Variants in TMEM232 observed in about 807,000 individuals in gnomAD.
The protein encoded by TMEM232 is transmembrane protein 232.
In TMEM232, 80 loss-of-function variants were observed where a neutral mutation model predicts 78.8. That is an observed-to-expected ratio of 1.01 (90% CI 0.85 to 1.22). The LOEUF (loss-of-function observed/expected upper bound fraction) is 1.22, where lower values mean the gene tolerates loss of function less well. Among genes scored for constraint, TMEM232 ranks in the 50% most tolerant of loss-of-function variants. TMEM232 has a pLI of 0.00. For missense variants in TMEM232, 881 were observed against 742.2 expected (o/e 1.19, Z -2.17); for synonymous variants, 297 against 254.3 (o/e 1.17, Z -1.60).
intron 7 of TMEM232, among the ~76,000 whole-genome samples, chr5:110,621,682 T>G (rs551394220): frequency 6.6e-6 from 1 of 151,874 alleles, no homozygotes; most frequent in South Asian, 2.1e-4. Flanking sequence ...TTCCCCTCCC[T>G]TTCTTCCTTC....
At chr5:110,635,343 G>C (rs1785653799) in intron 5 of TMEM232, among the ~76,000 whole-genome samples, 1 of 151,972 alleles carries the variant, frequency 6.6e-6, no homozygotes, top group Non-Finnish European at 1.5e-5. Flanking sequence ...CCCAAGGCCA[G>C]CGTTACCCTA....
intron 1 of TMEM232, among the ~76,000 whole-genome samples, chr5:110,675,536 G>A (rs1015805459): frequency 2.0e-5 from 3 of 152,136 alleles, no homozygotes; most frequent in Non-Finnish European, 4.4e-5. Flanking sequence ...ACTGCATGGA[G>A]CTGTATTCTG....
intron 2 of TMEM232, among the ~76,000 whole-genome samples, chr5:110,398,760 T>G (rs1444006309): frequency 6.6e-6 from 1 of 152,188 alleles, no homozygotes; most frequent in Non-Finnish European, 1.5e-5. Context: ...CAAAATTTTT[T>G]TTTCATTCCA....
At chr5:110,547,448 G>T (rs1348398637) in intron 11 of TMEM232, among the ~76,000 whole-genome samples, 1 of 152,114 alleles carries the variant, frequency 6.6e-6, no homozygotes, top group Non-Finnish European at 1.5e-5. Flanking sequence ...GAATAATTAG[G>T]TATGGAATAT....
chr5:110,393,013 T>G (rs1296362761), intron 3 of TMEM232, among the ~76,000 whole-genome samples: 1 of 152,242 alleles, frequency 6.6e-6, no homozygotes, highest in East Asian at 1.9e-4. Context: ...GACTACTAAT[T>G]TAATTCTGTT....
chr5:110,528,116 G>C (rs1378762037), intron 12 of TMEM232, among the ~76,000 whole-genome samples: 2 of 151,814 alleles, frequency 1.3e-5, no homozygotes, highest in Non-Finnish European at 2.9e-5. Context: ...TTGTTCCTAA[G>C]TCCAATGTTT....
At chr5:110,607,663 C>T (rs1250702913) in intron 8 of TMEM232, among the ~76,000 whole-genome samples, 1 of 151,908 alleles carries the variant, frequency 6.6e-6, no homozygotes, top group Non-Finnish European at 1.5e-5. Context: ...TGCCTAGACT[C>T]CCTTGAAGCT....
chr5:110,721,918 T>G (rs1325797654), intron 1 of TMEM232, among the ~76,000 whole-genome samples: 1 of 151,712 alleles, frequency 6.6e-6, no homozygotes, highest in Non-Finnish European at 1.5e-5. Context: ...TGCATTTATG[T>G]TGCCTAGCAG....
chr5:110,710,555 A>G (rs1376369910), intron 1 of TMEM232, among the ~76,000 whole-genome samples: 3 of 152,172 alleles, frequency 2.0e-5, no homozygotes, highest in Non-Finnish European at 2.9e-5. Context: ...CATGACGAAG[A>G]GAAATTTATC....
chr5:110,424,889 G>A lies in TMEM232; in HGVS notation c.1731C>T (p.Pro577=), dbSNP rs542331732. Residue 577 remains proline, a synonymous_variant, in exon 13 of 14, where the codon CCC becomes CCT. Coordinates refer to ENST00000455884, the MANE Select transcript of TMEM232 (RefSeq NM_001039763.4). ...TGAAGAAATCTGGATATGGAAACAT[G>A]GGAATTTCTGATACAGAAGGATGTT... ...VREHPSVSEI[P]MFPYPDFFTK... 3.9e-6 allele frequency: 6 copies of A among 1,550,040 alleles called. No homozygotes were observed. In the African/African-American group the frequency reaches 5.5e-5, roughly 14 times the overall value.
At position 110,618,478 on chromosome 5, in the gene TMEM232, C is replaced by G. The variant is rs750093989; in HGVS notation, c.853G>C (p.Val285Leu). 1 of 1,551,470 alleles carries G rather than the reference C, an allele frequency of 6.4e-7. No individual in the cohort carries two copies. The highest frequency in any genetic ancestry group is 2.4e-5 in the East Asian group (1 of 40,884). ...TTATGGAAGACGAGATGTTCAAGCA[C>G]GTTATTCAACTGAGGACTGTTATTC... ...VQNNSPQLNN[V>L]LEHLVFHKTQ... Residue 285 changes from valine (V) to leucine (L), a missense_variant, in exon 8 of 14, where the codon GTG (valine) becomes CTG (leucine). By Grantham distance (32) the Val-to-Leu change is conservative. Transcript: ENST00000455884.
intron 2 of TMEM232, among the ~76,000 whole-genome samples, chr5:110,643,069 G>A (rs1786969230): frequency 6.6e-6 from 1 of 151,984 alleles, no homozygotes; most frequent in South Asian, 2.1e-4. Context: ...GAAGAGTTTG[G>A]ATAATGGATA....
chr5:110,629,958 G>C (rs1358916282), intron 5 of TMEM232, among the ~76,000 whole-genome samples: 1 of 152,134 alleles, frequency 6.6e-6, no homozygotes, highest in Non-Finnish European at 1.5e-5. Context: ...ATTCAACCCT[G>C]AGTTACTTCT....
At chr5:110,627,986 C>G in intron 5 of TMEM232, 106 bp from the exon 6 acceptor site, 1 of 767,752 alleles carries the variant, frequency 1.3e-6, no homozygotes, top group East Asian at 2.8e-5. Flanking sequence ...TTTGAGAAAA[C>G]AATTTTAAAC....
At chr5:110,590,599 G>A (rs73224361) in intron 10 of TMEM232, among the ~76,000 whole-genome samples, 6,852 of 152,048 alleles carry the variant, frequency 0.045, 558 homozygotes, top group African/African-American at 0.16. Context: ...CTGCCTTCCA[G>A]GAAACTGGTC....
intron 5 of TMEM232, among the ~76,000 whole-genome samples, chr5:110,631,054 A>G (rs564506247): frequency 2.0e-5 from 3 of 152,180 alleles, no homozygotes; most frequent in East Asian, 3.9e-4. Context: ...TCCTCCCTTT[A>G]GAAAGATAGC....
intron 2 of TMEM232, among the ~76,000 whole-genome samples, chr5:110,401,434 A>G (rs1755591383): frequency 1.3e-5 from 2 of 151,946 alleles, no homozygotes; most frequent in South Asian, 4.1e-4. Flanking sequence ...TGGCCAAGCA[A>G]AGTGTATCGA....
intron 12 of TMEM232, among the ~76,000 whole-genome samples, chr5:110,444,575 GGTGTTCCT>G: frequency 6.6e-6 from 1 of 152,250 alleles, no homozygotes. Flanking sequence ...GTTTAACTTT[GGTGTTCCT>G]GTGGGGGATG....
intron 12 of TMEM232, among the ~76,000 whole-genome samples, chr5:110,448,902 C>G (rs997658504): frequency 6.6e-6 from 1 of 151,488 alleles, no homozygotes; most frequent in African/African-American, 2.4e-5. Context: ...ACAGTAAAAA[C>G]AAGACATAAT....
Sources: gnomAD v4.1 joint callset for allele counts (sites outside exome capture counted in the v4.1 genomes callset) on GRCh38, gnomAD v4.1.1 for gene constraint, MANE v1.5 for transcripts, NCBI Gene and HGNC (gene_info 2026-07-23, HGNC 2026-07-21) for gene names.